Variants in MAD1L1 observed in about 807,000 individuals in gnomAD.
MAD1L1 encodes mitotic spindle assembly checkpoint protein MAD1.
A neutral mutation model predicts 96.9 loss-of-function variants in MAD1L1; 95 were observed. The ratio of observed to expected loss-of-function variants is 0.98; its 90% CI spans 0.83 to 1.16. The LOEUF (loss-of-function observed/expected upper bound fraction) is 1.16, where lower values mean the gene tolerates loss of function less well. Among genes scored for constraint, MAD1L1 ranks in the 50% most tolerant of loss-of-function variants. The pLI, the probability that MAD1L1 is intolerant of heterozygous loss-of-function variation, is 0.00. For synonymous variants in MAD1L1, 473 were observed against 396.6 expected, an observed-to-expected ratio of 1.19 and a Z score of -2.29; for missense variants, 1,007 against 954.4, an observed-to-expected ratio of 1.06 and a Z score of -0.73.
chr7:2,037,207 CTT>C (rs11332091), intron 12 of MAD1L1, among the ~76,000 whole-genome samples: 59 of 133,040 alleles, frequency 4.4e-4, no homozygotes, highest in South Asian at 1.4e-3. Context: ...ATAGACTCTT[CTT>C]TTTTTTTTTT....
At chr7:2,071,199 T>G (rs1785110081) in intron 11 of MAD1L1, among the ~76,000 whole-genome samples, 1 of 147,832 alleles carries the variant, frequency 6.8e-6, no homozygotes, top group Admixed American at 6.7e-5. Flanking sequence ...TACGGGGTTT[T>G]TAACTGTAAC....
intron 11 of MAD1L1, among the ~76,000 whole-genome samples, chr7:2,074,850 G>A (rs1031479304): frequency 1.3e-5 from 2 of 152,200 alleles, no homozygotes; most frequent in East Asian, 1.9e-4. Context: ...GGGGGCCCTC[G>A]GGGAGGGGTG....
At chr7:1,868,920 C>A (rs1012975276) in intron 18 of MAD1L1, among the ~76,000 whole-genome samples, 1 of 152,208 alleles carries the variant, frequency 6.6e-6, no homozygotes, top group Non-Finnish European at 1.5e-5. Context: ...AAGCTGAGCA[C>A]GGAAGCGCCG....
At chr7:2,120,068 C>G (rs1387266497) in intron 11 of MAD1L1, among the ~76,000 whole-genome samples, 1 of 152,220 alleles carries the variant, frequency 6.6e-6, no homozygotes, top group Non-Finnish European at 1.5e-5. Context: ...GTGGCACCTG[C>G]CTTTTCACTC....
chr7:1,954,222 T>C (rs954933576), intron 16 of MAD1L1, among the ~76,000 whole-genome samples: 2 of 152,158 alleles, frequency 1.3e-5, no homozygotes, highest in Admixed American at 1.3e-4. Flanking sequence ...ACCAGGTATG[T>C]GCAGGGCCCC....
In MAD1L1 at chr7:1,968,633, G is replaced by A. The variant is rs982657087; in HGVS notation, c.1506-10914C>T. The stretch of plus-strand genomic sequence containing the variant: ...TCCGCTGTCAACGCCTCAGTCCAGC[G>A]GTCAGGTCCACCTGCTGTTGCGTGG... On this transcript the variant is annotated intron_variant, in intron 15 of 18. Transcript: ENST00000265854. The surrounding 1 kb of genome is among the most constrained non-coding windows in gnomAD (Gnocchi z 5.6). Among the ~76,000 whole-genome samples, 4 of 152,216 alleles carry A rather than the reference G, an allele frequency of 2.6e-5. No individual in the cohort carries two copies. The highest frequency in any genetic ancestry group is 9.7e-5 in the African/African-American group (4 of 41,442).
At chr7:1,860,714 G>C (rs1784503664) in intron 18 of MAD1L1, among the ~76,000 whole-genome samples, 1 of 152,156 alleles carries the variant, frequency 6.6e-6, no homozygotes, top group African/African-American at 2.4e-5. Context: ...GATCCCCTGG[G>C]CATCATCCTG....
chr7:2,086,844 C>T (rs112694628), intron 11 of MAD1L1, among the ~76,000 whole-genome samples: 10 of 152,298 alleles, frequency 6.6e-5, no homozygotes, highest in South Asian at 2.1e-4. Context: ...CATGAGCCAC[C>T]GCGCCCAGCA....
intron 10 of MAD1L1, among the ~76,000 whole-genome samples, chr7:2,198,707 G>A (rs892692818): frequency 2.0e-5 from 3 of 152,178 alleles, no homozygotes; most frequent in Non-Finnish European, 4.4e-5. Context: ...TTCTCCTGCC[G>A]CTGAGTGACT....
In MAD1L1 at chr7:1,953,291, C is replaced by T. The variant is rs567330911; in HGVS notation, c.1596+4338G>A. Among the ~76,000 whole-genome samples, 5 of 152,354 alleles carry T rather than the reference C, an allele frequency of 3.3e-5. No homozygotes were observed. The South Asian group carries it at 1.0e-3, about 32-fold the overall frequency. ...ATCTTCTACCCACTCCTTCCCAAAA[C>T]AGATGCACTTATTTAAACGTCACAG... On this transcript the variant is annotated intron_variant, in intron 16 of 18. Coordinates refer to ENST00000265854, the MANE Select transcript of MAD1L1 (RefSeq NM_001013836.2).
chr7:2,060,527 G>T (rs1784614183), intron 12 of MAD1L1, among the ~76,000 whole-genome samples: 1 of 152,108 alleles, frequency 6.6e-6, no homozygotes, highest in African/African-American at 2.4e-5. Context: ...GTCGAGATAC[G>T]CTAATGCCAA....
At chr7:2,024,261 G>C (rs950769055) in intron 12 of MAD1L1, among the ~76,000 whole-genome samples, 1 of 152,122 alleles carries the variant, frequency 6.6e-6, no homozygotes, top group African/African-American at 2.4e-5. Context: ...AGATGAAATG[G>C]ACCAATTCCT....
Position 1,904,761 on chromosome 7 carries a change from G to A in MAD1L1, c.1808-6371C>T, listed in dbSNP as rs554790017. Among the ~76,000 whole-genome samples the A allele has an allele frequency of 8.7e-4, 110 of 125,804 alleles. 31 individuals are homozygous for A. Among genetic ancestry groups the A allele is most frequent in the African/African-American group, 4.1e-3 (107 of 26,368 alleles). The allele number at this position is 125,804 out of a possible 152,430, so 82.5% of individuals were successfully genotyped here. ...GATCAATCACTGTTCCAGGCAGCAA[G>A]CACGCAGTGGCCTATTGAAGACGCT... On this transcript the variant is annotated intron_variant, in intron 17 of 18. Coordinates refer to ENST00000265854, the MANE Select transcript of MAD1L1 (RefSeq NM_001013836.2).
At chr7:1,890,880 G>A (rs1480055668) in intron 18 of MAD1L1, among the ~76,000 whole-genome samples, 2 of 152,178 alleles carry the variant, frequency 1.3e-5, no homozygotes, top group Non-Finnish European at 2.9e-5. Flanking sequence ...ATTTTTCCTG[G>A]GGAGGTGCAC....
At chr7:1,841,577 G>A (rs2128632786) in intron 18 of MAD1L1, among the ~76,000 whole-genome samples, 1 of 152,360 alleles carries the variant, frequency 6.6e-6, no homozygotes, top group South Asian at 2.1e-4. Context: ...GACAGAAGCT[G>A]TCGTTCTCAG....
intron 16 of MAD1L1, among the ~76,000 whole-genome samples, chr7:1,949,329 A>G (rs1779380082): frequency 6.6e-6 from 1 of 152,216 alleles, no homozygotes; most frequent in African/African-American, 2.4e-5. Flanking sequence ...CGGGCACGCA[A>G]GCATCGCCCG....
intron 17 of MAD1L1, among the ~76,000 whole-genome samples, chr7:1,929,249 C>T (rs777569147): frequency 2.0e-5 from 3 of 152,204 alleles, no homozygotes; most frequent in Non-Finnish European, 4.4e-5. Flanking sequence ...CTCCCCCTGC[C>T]TCCCTCCTCC....
chr7:1,898,464 C>T lies in MAD1L1; in HGVS notation c.1808-74G>A, dbSNP rs535229145. On this transcript the variant is annotated intron_variant, in intron 17 of 18. Coordinates refer to ENST00000265854, the MANE Select transcript of MAD1L1 (RefSeq NM_001013836.2). ...GGTGGGGACCCGGGAGCGGCCAGGG[C>T]AGGGAGGAAGCCGAGTACAGGTGGG... 46 of 1,385,614 alleles carry T rather than the reference C, an allele frequency of 3.3e-5. No individual in the cohort carries two copies. The African/African-American group carries it at 6.4e-4, about 19-fold the overall frequency. 85.8% of individuals were successfully genotyped at this position (1,385,614 alleles called of 1,614,324 possible). A position where few individuals can be genotyped will look rare whatever the true frequency, so the allele number is the denominator to read the frequency against.
chr7:2,061,515 G>T (rs998366244), intron 12 of MAD1L1, among the ~76,000 whole-genome samples: 15 of 152,212 alleles, frequency 9.9e-5, no homozygotes, highest in Non-Finnish European at 1.8e-4. Context: ...TCGAGTACAG[G>T]CCCCCACCAG....
Sources: allele counts gnomAD v4.1 joint callset (sites outside exome capture counted in the v4.1 genomes callset), GRCh38; gene constraint gnomAD v4.1.1; non-coding constraint Gnocchi (gnomAD v3.1); transcripts MANE v1.5; gene names NCBI Gene and HGNC (gene_info 2026-07-23, HGNC 2026-07-21).